The following GNAI3 variants were observed in gnomAD, a reference collection of about 807,000 sequenced individuals.
GNAI3 encodes the protein G protein subunit alpha i3, also known as guanine nucleotide-binding protein G(i) subunit alpha-3.
A neutral mutation model predicts 41.8 loss-of-function variants in GNAI3; 12 were observed. That is an observed-to-expected ratio of 0.29 (90% CI 0.18 to 0.47). The LOEUF is 0.47. GNAI3 is among the 20% of genes least tolerant of loss of function. The pLI is 1.00. For synonymous variants in GNAI3, 132 were observed against 146.5 expected (o/e 0.90, Z 0.71); for missense variants, 360 against 429.6 (o/e 0.84, Z 1.43).
chr1:109,591,637 G>A (rs906060008), intron 7 of GNAI3: 15 of 426,884 alleles, frequency 3.5e-5, no homozygotes, highest in Non-Finnish European at 6.4e-5. Flanking sequence ...ACCAAAGCAA[G>A]CACTACCCTG....
At chr1:109,570,256 G>A (rs1399458322) in intron 1 of GNAI3, among the ~76,000 whole-genome samples, 3 of 152,166 alleles carry the variant, frequency 2.0e-5, no homozygotes, top group Admixed American at 1.3e-4. Context: ...CTGTAAGAAT[G>A]TAGTTGTCTA....
intron 3 of GNAI3, among the ~76,000 whole-genome samples, chr1:109,578,470 CAAAAAAAAAAAAAA>C (rs35519193): frequency 2.4e-5 from 2 of 84,312 alleles, no homozygotes; most frequent in African/African-American, 9.2e-5. Flanking sequence ...AACTCCGTCT[CAAAAAAAAAAAAAA>C]AAAAAAAGAA....
Position 109,579,359 on chromosome 1 carries a change from A to G in GNAI3, c.459A>G (p.Ser153=). The change falls in exon 4 of 9, where the codon TCA becomes TCG. Residue 153 remains serine (S), a splice_region_variant and synonymous_variant. Coordinates refer to ENST00000369851, the MANE Select transcript of GNAI3 (RefSeq NM_006496.4). ...SREYQLNDSA[S]YYLNDLDRIS... is the part of the protein sequence containing the mutation. ...AATATCAGCTCAATGATTCTGCTTCATAGTAAGTAATTTTTCTCTGTGAAA... is the reference window on the plus strand; with the variant it reads ...AATATCAGCTCAATGATTCTGCTTCGTAGTAAGTAATTTTTCTCTGTGAAA... The G allele has an allele frequency of 1.2e-6, 2 of 1,607,786 alleles. No individual in the cohort carries two copies. Among genetic ancestry groups the G allele is most frequent in the South Asian group, 1.1e-5 (1 of 90,124 alleles).
rs553879225 is a variant in GNAI3, at chr1:109,587,956, A to C, written c.874+1074A>C. Among the ~76,000 whole-genome samples, 215 of 151,490 alleles carry C rather than the reference A, an allele frequency of 1.4e-3. 1 individual carries two copies. Among genetic ancestry groups the C allele is most frequent in the African/African-American group, 5.1e-3 (209 of 41,282 alleles). On this transcript the variant is annotated intron_variant, in intron 7 of 8. Transcript: ENST00000369851. ...AATAATTGTCAGGAACCCTGGAAGC[A>C]CTCTTTATCCCCATCTTTTTTCTCT...
intron 7 of GNAI3, among the ~76,000 whole-genome samples, chr1:109,589,799 A>C (rs1649125148): frequency 1.3e-5 from 2 of 152,212 alleles, no homozygotes; most frequent in African/African-American, 4.8e-5. Flanking sequence ...AAAGAATATT[A>C]GTGGTTATGA....
At chr1:109,586,600 C>A (rs906944003) in intron 6 of GNAI3, 129 bp from the exon 7 acceptor site, 1 of 724,992 alleles carries the variant, frequency 1.4e-6, no homozygotes, top group Non-Finnish European at 2.3e-6. Flanking sequence ...TCAACTTTAT[C>A]TTATTGGTGT....
intron 1 of GNAI3, among the ~76,000 whole-genome samples, chr1:109,560,133 C>T (rs1455519571): frequency 6.6e-6 from 1 of 152,086 alleles, no homozygotes; most frequent in Non-Finnish European, 1.5e-5. Flanking sequence ...ACTTAGATAC[C>T]TAAAAGTTTA....
At chr1:109,589,969 A>G (rs1649128941) in intron 7 of GNAI3, among the ~76,000 whole-genome samples, 1 of 152,204 alleles carries the variant, frequency 6.6e-6, no homozygotes, top group Non-Finnish European at 1.5e-5. Flanking sequence ...TGTTATGTTA[A>G]TTTTCCTCAA....
At position 109,579,364 on chromosome 1, in the gene GNAI3, A is replaced by G; in HGVS notation, c.461+3A>G. 2 of 1,606,104 alleles carry G rather than the reference A, an allele frequency of 1.2e-6. No individual in the cohort carries two copies. The highest frequency in any genetic ancestry group is 1.7e-6 in the Non-Finnish European group (2 of 1,175,092). On this transcript the variant is annotated splice_donor_region_variant and intron_variant, in intron 4 of 8. Transcript: ENST00000369851. The stretch of plus-strand genomic sequence containing the variant: ...CAGCTCAATGATTCTGCTTCATAGT[A>G]AGTAATTTTTCTCTGTGAAACTATA...
Position 109,573,731 on chromosome 1 carries a change from T to C in GNAI3, c.119-6T>C, listed in dbSNP as rs1417820514. 6.2e-7 allele frequency: 1 copy of C among 1,604,814 alleles called. No homozygotes were observed. The highest frequency in any genetic ancestry group is 8.5e-7 in the Non-Finnish European group (1 of 1,171,706). On this transcript the variant is annotated splice_region_variant and splice_polypyrimidine_tract_variant and intron_variant, in intron 1 of 8. Transcript: ENST00000369851. Reference sequence around the variant, plus strand: ...AAATTCAAAGTCTGGTTTTCTTTTCTTACAGGTGCTGGAGAATCTGGTAAA... The same window carrying C: ...AAATTCAAAGTCTGGTTTTCTTTTCCTACAGGTGCTGGAGAATCTGGTAAA...
intron 7 of GNAI3, among the ~76,000 whole-genome samples, chr1:109,590,877 A>G (rs1369777343): frequency 6.6e-6 from 1 of 151,840 alleles, no homozygotes. Context: ...TTTTTTCTTA[A>G]GCTCCGTTTT....
At chr1:109,556,955 C>T (rs1348213141) in intron 1 of GNAI3, among the ~76,000 whole-genome samples, 1 of 152,040 alleles carries the variant, frequency 6.6e-6, no homozygotes, top group African/African-American at 2.4e-5. Flanking sequence ...TCTTTCCTCC[C>T]GAGACAGTCT....
chr1:109,549,119 G>A (rs1235138673), intron 1 of GNAI3, among the ~76,000 whole-genome samples: 1 of 152,196 alleles, frequency 6.6e-6, no homozygotes, highest in Non-Finnish European at 1.5e-5. Flanking sequence ...AGATGTTGAG[G>A]GAGTAGGAAT....
chr1:109,554,008 C>T (rs1449134769), intron 1 of GNAI3, among the ~76,000 whole-genome samples: 1 of 152,160 alleles, frequency 6.6e-6, no homozygotes, highest in African/African-American at 2.4e-5. Context: ...TCTCCAGTTC[C>T]ATCCAGGTTG....
rs998993519 is a variant in GNAI3 at position 109,572,925 on chromosome 1, A to G, written c.119-812A>G. 1.1e-4 allele frequency among the ~76,000 whole-genome samples: 17 copies of G among 152,328 alleles called. No individual in the cohort carries two copies. The South Asian group carries it at 2.3e-3, about 20-fold the overall frequency. On this transcript the variant is annotated intron_variant, in intron 1 of 8. Transcript: ENST00000369851. ...TCATCCATTGATGAAGGTAGAGAAT[A>G]TTAATGGAGGTACAGATAGACTGGT... is the stretch of plus-strand genomic sequence containing the variant.
Position 109,571,062 on chromosome 1 carries a change from A to T in GNAI3, c.119-2675A>T, listed in dbSNP as rs534168782. ...AGCTTTACTAATATTTAATATACAG[A>T]TTGGCACTGGCATCCTTGTCTTATC... On this transcript the variant is annotated intron_variant, in intron 1 of 8. Coordinates refer to ENST00000369851, the MANE Select transcript of GNAI3 (RefSeq NM_006496.4). Among the ~76,000 whole-genome samples the T allele has an allele frequency of 6.6e-5, 10 of 152,328 alleles. No individual in the cohort carries two copies. In the South Asian group the frequency reaches 2.1e-3, roughly 32 times the overall value.
chr1:109,580,288 G>A (rs533211675), intron 4 of GNAI3, among the ~76,000 whole-genome samples: 6 of 152,274 alleles, frequency 3.9e-5, no homozygotes, highest in African/African-American at 1.4e-4. Flanking sequence ...GTGAGCCACC[G>A]TGCCTGGTCC....
chr1:109,549,320 G>A (rs866114940), intron 1 of GNAI3, among the ~76,000 whole-genome samples: 15 of 152,248 alleles, frequency 9.9e-5, no homozygotes, highest in Middle Eastern at 3.4e-3. Context: ...GGAACAGAAT[G>A]GTCACATAAG....
At chr1:109,550,134 A>C (rs1273190419) in intron 1 of GNAI3, among the ~76,000 whole-genome samples, 1 of 152,186 alleles carries the variant, frequency 6.6e-6, no homozygotes, top group East Asian at 1.9e-4. Flanking sequence ...GGAAATGCTA[A>C]ATTTTCATGG....
Sources: allele counts gnomAD v4.1 joint callset (sites outside exome capture counted in the v4.1 genomes callset), GRCh38; gene constraint gnomAD v4.1.1; transcripts MANE v1.5; gene names NCBI Gene and HGNC (gene_info 2026-07-23, HGNC 2026-07-21).